TMEM121B: variants seen among roughly 807,000 people sequenced by gnomAD.
TMEM121B encodes the protein cat eye syndrome chromosome region, candidate 6.
In TMEM121B, 14 loss-of-function variants were observed where a neutral mutation model predicts 25.1. The ratio of observed to expected loss-of-function variants is 0.56; its 90% CI spans 0.37 to 0.87. TMEM121B has a LOEUF of 0.87. TMEM121B is among the 40% of genes least tolerant of loss of function. The pLI, the probability that TMEM121B is intolerant of heterozygous loss-of-function variation, is 0.00. For synonymous variants in TMEM121B, 458 were observed against 420.9 expected, an observed-to-expected ratio of 1.09 and a Z score of -1.08; for missense variants, 850 against 854.6, an observed-to-expected ratio of 0.99 and a Z score of 0.07.
In TMEM121B at chr22:17,120,255, G is replaced by A. The variant is rs1416118146; in HGVS notation, c.873C>T (p.Ala291=). ...CCCCCGCGCCGCCGGCGCCCCCGCG[G>A]GCTCCGCGTGCCTTGGCCCCAGCGG... The part of the protein sequence containing the change: ...AATAGAKARG[A]RGGAGGAGGG... The change falls in exon 1 of 1, where the codon GCC becomes GCT. Residue 291 remains alanine (A), a synonymous_variant. Transcript: ENST00000331437. 6.4e-6 allele frequency: 8 copies of A among 1,241,736 alleles called. No homozygotes were observed. Among genetic ancestry groups the A allele is most frequent in the Non-Finnish European group, 8.0e-6 (8 of 997,084 alleles). 76.9% of individuals were successfully genotyped at this position (1,241,736 alleles called of 1,614,324 possible).
rs1344033079 is a variant in TMEM121B, at chr22:17,117,869, G to A, written c.*1522C>T. The A allele has an allele frequency of 1.3e-5, 2 of 152,204 alleles. No homozygotes were observed. The highest frequency in any genetic ancestry group is 4.8e-5 in the African/African-American group (2 of 41,452). The allele number at this position is 152,204 out of a possible 1,614,324, so 9.4% of individuals were successfully genotyped here. A position where few individuals can be genotyped will look rare whatever the true frequency, so the allele number is the denominator to read the frequency against. ...TAAAAATATGTCACTCAAAGCCAAT[G>A]AGTGACAGAATCAGAACTAGAATCC... On this transcript the variant is annotated 3_prime_UTR_variant, in exon 1 of 1. Coordinates refer to ENST00000331437, the MANE Select transcript of TMEM121B (RefSeq NM_031890.4).
In TMEM121B at chr22:17,120,936, G is replaced by A; in HGVS notation, c.192C>T (p.Gly64=). 3 of 1,407,252 alleles carry A rather than the reference G, an allele frequency of 2.1e-6. No homozygotes were observed. Among genetic ancestry groups the A allele is most frequent in the South Asian group, 2.9e-5 (2 of 68,286 alleles). 87.2% of individuals were successfully genotyped at this position (1,407,252 alleles called of 1,614,324 possible). A position where few individuals can be genotyped will look rare whatever the true frequency, so the allele number is the denominator to read the frequency against. ...CCGTGCTGCTGCTCGGGGAGCCGCCGCCCCCGCCGCGTCTGCCGCCGCCTC... is the reference window on the plus strand; with the variant it reads ...CCGTGCTGCTGCTCGGGGAGCCGCCACCCCCGCCGCGTCTGCCGCCGCCTC... ...RGGGGGRRGG[G]GGSPSSSTGA... is the part of the protein sequence containing the mutation. The change falls in exon 1 of 1, where the codon GGC becomes GGT. Residue 64 remains glycine, a synonymous_variant. Coordinates refer to ENST00000331437, the MANE Select transcript of TMEM121B (RefSeq NM_031890.4).
At position 17,119,781 on chromosome 22, in the gene TMEM121B, C is replaced by G. The variant is rs1179076591; in HGVS notation, c.1347G>C (p.Ala449=). ...GGCCCCAGGATGCAGCCGCTGCGGCCGCGGCGTTGAGCTCGTAGAGCCAGA... is the reference window on the plus strand; with the variant it reads ...GGCCCCAGGATGCAGCCGCTGCGGCGGCGGCGTTGAGCTCGTAGAGCCAGA... The part of the protein sequence containing the change: ...PVLWLYELNA[A]AAAAASWGQA... The change falls in exon 1 of 1, where the codon GCG becomes GCC. Residue 449 remains alanine (A), a synonymous_variant. Coordinates refer to ENST00000331437, the MANE Select transcript of TMEM121B (RefSeq NM_031890.4). The G allele has an allele frequency of 1.9e-6, 3 of 1,576,038 alleles. No homozygotes were observed. The highest frequency in any genetic ancestry group is 1.7e-4 in the Middle Eastern group (1 of 6,020).
rs1279216236 is a variant in TMEM121B, at chr22:17,119,537, T to C, written c.1591A>G (p.Arg531Gly). 49 of 1,557,826 alleles carry C rather than the reference T, an allele frequency of 3.1e-5. No homozygotes were observed. The highest frequency in any genetic ancestry group is 4.2e-5 in the Non-Finnish European group (48 of 1,152,686). Residue 531 changes from arginine (R) to glycine (G), a missense_variant, in exon 1 of 1, where the codon AGA becomes GGA. Arg to Gly is a moderately radical substitution (Grantham distance 125). Transcript: ENST00000331437. ...GAGGGCGGAGCACCGTAGCCCCCTCTGGCCCGACTCGGGGAGGCCCGATTG... is the reference window on the plus strand; with the variant it reads ...GAGGGCGGAGCACCGTAGCCCCCTCCGGCCCGACTCGGGGAGGCCCGATTG... Reference protein sequence around the residue: ...RGNRASPSRARGGYGAPPSAP... With the variant: ...RGNRASPSRAGGGYGAPPSAP...
rs368814541 is a variant in TMEM121B at position 17,119,838 on chromosome 22, G to A, written c.1290C>T (p.Ala430=). Residue 430 remains alanine (A), a synonymous_variant, in exon 1 of 1, where the codon GCC becomes GCT. Transcript: ENST00000331437. ...GCGAGGCGAGGGTGAGGAAGTAGAC[G>A]GCGATAAGCAGGTAGCGCAGGTGCG... ...LPAHLRYLLI[A]VYFLTLASPV... is the part of the protein sequence containing the mutation. The A allele has an allele frequency of 2.8e-4, 437 of 1,587,688 alleles. 1 individual carries two copies. Among genetic ancestry groups the A allele is most frequent in the Admixed American group, 3.6e-4 (21 of 58,304 alleles).
Position 17,117,663 on chromosome 22 carries a change from G to T in TMEM121B, c.*1728C>A. 1 of 152,342 alleles carries T rather than the reference G, an allele frequency of 6.6e-6. No individual in the cohort carries two copies. The allele number at this position is 152,342 out of a possible 1,614,324, so 9.4% of individuals were successfully genotyped here. On this transcript the variant is annotated 3_prime_UTR_variant, in exon 1 of 1. Coordinates refer to ENST00000331437, the MANE Select transcript of TMEM121B (RefSeq NM_031890.4). ...GCTTCACACACCCAGTACAGAGCAGGGAATGTTCTGCAAGTGCAGCCTGGC... is the reference window on the plus strand; with the variant it reads ...GCTTCACACACCCAGTACAGAGCAGTGAATGTTCTGCAAGTGCAGCCTGGC...
Position 17,119,488 on chromosome 22 carries a change from G to A in TMEM121B, c.1640C>T (p.Pro547Leu). 6.3e-7 allele frequency: 1 copy of A among 1,598,380 alleles called. No individual in the cohort carries two copies. Among genetic ancestry groups the A allele is most frequent in the South Asian group, 1.1e-5 (1 of 88,556 alleles). Residue 547 changes from proline to leucine, a missense_variant, in exon 1 of 1, where the codon CCA (proline) becomes CTA (leucine). By Grantham distance (98) the Pro-to-Leu change is moderately conservative. Transcript: ENST00000331437. ...GCCCAGCTGGGAGCCTCCCTGAGGT[G>A]GTGGCGGAGGTGGTGGAGGGGCGGA... The part of the protein sequence containing the change: ...PPSAPPPPPP[P>L]PQGGSQLGHC...
chr22:17,117,325 CA>C lies in TMEM121B; in HGVS notation c.*2065del. On this transcript the variant is annotated 3_prime_UTR_variant, in exon 1 of 1. Transcript: ENST00000331437. ...GCCACATAGGGTGAGGGACTGGAAG[CA>C]CAGATTGTGCATGGAGTGTAAACAT... 6.5e-6 allele frequency: 1 copy of C among 152,896 alleles called. No individual in the cohort carries two copies. The highest frequency in any genetic ancestry group is 2.1e-4 in the South Asian group (1 of 4,832). The allele number at this position is 152,896 out of a possible 1,614,324, so 9.5% of individuals were successfully genotyped here. A position where few individuals can be genotyped will look rare whatever the true frequency, so the allele number is the denominator to read the frequency against.
rs1027151525 is a variant in TMEM121B, at chr22:17,120,681, G to C, written c.447C>G (p.Pro149=). 6 of 1,183,068 alleles carry C rather than the reference G, an allele frequency of 5.1e-6. No homozygotes were observed. In the South Asian group the frequency reaches 1.7e-4, roughly 33 times the overall value. 73.3% of individuals were successfully genotyped at this position (1,183,068 alleles called of 1,614,324 possible). The change falls in exon 1 of 1, where the codon CCC becomes CCG. Residue 149 remains proline (P), a synonymous_variant. Transcript: ENST00000331437. ...GGAAAGAVGG[P]GSRSAGGAGG... ...CCGCGCCCCCCGCCGAGCGGCTCCC[G>C]GGGCCCCCGACGGCCCCGGCCGCGG...
chr22:17,116,603 T>C lies in TMEM121B; in HGVS notation c.*2788A>G, dbSNP rs2061470974. 1 of 152,270 alleles carries C rather than the reference T, an allele frequency of 6.6e-6. No individual in the cohort carries two copies. The highest frequency in any genetic ancestry group is 2.1e-4 in the South Asian group (1 of 4,832). The allele number at this position is 152,270 out of a possible 1,614,324, so 9.4% of individuals were successfully genotyped here. On this transcript the variant is annotated 3_prime_UTR_variant, in exon 1 of 1. Transcript: ENST00000331437. ...CGAGATTCTGAGCCCAGGATCCTTTTCTGTGAACCATGCACGTGCTGGCAC... is the reference window on the plus strand; with the variant it reads ...CGAGATTCTGAGCCCAGGATCCTTTCCTGTGAACCATGCACGTGCTGGCAC...
Position 17,120,392 on chromosome 22 carries a change from CGAA to C in TMEM121B, c.733_735del (p.Phe245del), listed in dbSNP as rs2061492664. On this transcript the variant is annotated inframe_deletion, in exon 1 of 1. Transcript: ENST00000331437. Reference sequence around the variant, plus strand: ...CCCCGACGGCCCCGGCTGTTCTTGGCGAAGAAGATGGCCCAGCCCACCACCACC... The same window carrying C: ...CCCCGACGGCCCCGGCTGTTCTTGGCGAAGATGGCCCAGCCCACCACCACC... The C allele has an allele frequency of 1.3e-6, 2 of 1,560,568 alleles. No homozygotes were observed. Among genetic ancestry groups the C allele is most frequent in the Non-Finnish European group, 1.7e-6 (2 of 1,160,414 alleles).
chr22:17,119,708 C>A lies in TMEM121B; in HGVS notation c.1420G>T (p.Gly474Cys), dbSNP rs1291958083. The A allele has an allele frequency of 1.3e-6, 2 of 1,542,372 alleles. No individual in the cohort carries two copies. The highest frequency in any genetic ancestry group is 2.4e-5 in the East Asian group (1 of 41,556). ...AGCAAGGGCACGTCCACCAGGCAGC[C>A]GCCCAGCAGGCGCAGAAGGCGGCTG... ...SCSRLLRLLGGCLVDVPLLAL... is the reference protein window; with the variant it reads ...SCSRLLRLLGCCLVDVPLLAL... Residue 474 changes from glycine to cysteine, a missense_variant, in exon 1 of 1, where the codon GGC becomes TGC. By Grantham distance (159) the Gly-to-Cys change is radical (BLOSUM62 -3). Transcript: ENST00000331437.
In TMEM121B at chr22:17,120,316, G is replaced by C; in HGVS notation, c.812C>G (p.Ala271Gly). 6.9e-7 allele frequency: 1 copy of C among 1,454,430 alleles called. No individual in the cohort carries two copies. The highest frequency in any genetic ancestry group is 9.0e-7 in the Non-Finnish European group (1 of 1,106,078). 90.1% of individuals were successfully genotyped at this position (1,454,430 alleles called of 1,614,324 possible). A position where few individuals can be genotyped will look rare whatever the true frequency, so the allele number is the denominator to read the frequency against. ...GGGGGCGGGCAGATGCAGGGGCGGC[G>C]CGGCGTGGTGGTGGTGCAGGTGGTG... ...HNHHLHHHHA[A>G]PPLHLPAPSA... The change falls in exon 1 of 1, where the codon GCG becomes GGG. Residue 271 changes from alanine (A) to glycine (G), a missense_variant. Ala to Gly is a moderately conservative substitution (Grantham distance 60). Coordinates refer to ENST00000331437, the MANE Select transcript of TMEM121B (RefSeq NM_031890.4).
Position 17,120,451 on chromosome 22 carries a change from T to C in TMEM121B, c.677A>G (p.Tyr226Cys). 1 of 1,583,932 alleles carries C rather than the reference T, an allele frequency of 6.3e-7. No homozygotes were observed. Among genetic ancestry groups the C allele is most frequent in the South Asian group, 1.1e-5 (1 of 88,824 alleles). Residue 226 changes from tyrosine (Y) to cysteine (C), a missense_variant, in exon 1 of 1, where the codon TAC (tyrosine) becomes TGC (cysteine). Tyr to Cys is a radical substitution (Grantham distance 194, BLOSUM62 -2). Coordinates refer to ENST00000331437, the MANE Select transcript of TMEM121B (RefSeq NM_031890.4). ...DLYLIAVTDL[Y>C]WCSWIATDLV... The stretch of plus-strand genomic sequence containing the variant: ...GTCAGTGGCGATCCAGGAGCACCAG[T>C]ACAGGTCGGTGACGGCGATGAGGTA...
rs377470319 is a variant in TMEM121B at position 17,119,511 on chromosome 22, G to C, written c.1617C>G (p.Ser539=). Residue 539 remains serine, a synonymous_variant, in exon 1 of 1, where the codon TCC becomes TCG. Transcript: ENST00000331437. ...GTGGTGGCGGAGGTGGTGGAGGGGCGGAGGGCGGAGCACCGTAGCCCCCTC... is the reference window on the plus strand; with the variant it reads ...GTGGTGGCGGAGGTGGTGGAGGGGCCGAGGGCGGAGCACCGTAGCCCCCTC... ...RARGGYGAPP[S]APPPPPPPPQ... is the part of the protein sequence containing the mutation. 5.7e-6 allele frequency: 9 copies of C among 1,576,054 alleles called. No homozygotes were observed. The highest frequency in any genetic ancestry group is 1.7e-4 in the Middle Eastern group (1 of 5,894).
Position 17,120,471 on chromosome 22 carries a change from G to T in TMEM121B, c.657C>A (p.Leu219=). ...LAQGGLLDLY[L]IAVTDLYWCS... ...ACCAGTACAGGTCGGTGACGGCGAT[G>T]AGGTACAGGTCCAGCAGGCCGCCCT... Residue 219 remains leucine (L), a synonymous_variant, in exon 1 of 1, where the codon CTC becomes CTA. Coordinates refer to ENST00000331437, the MANE Select transcript of TMEM121B (RefSeq NM_031890.4). 6.3e-7 allele frequency: 1 copy of T among 1,586,008 alleles called. No individual in the cohort carries two copies.
Position 17,120,870 on chromosome 22 carries a change from G to A in TMEM121B, c.258C>T (p.Ser86=). The change falls in exon 1 of 1, where the codon AGC becomes AGT. Residue 86 remains serine, a synonymous_variant. Transcript: ENST00000331437. ...GCGCGGCGTTGGGCACCAGCGGCTT[G>A]CTGACGCTGAGGCTCTCGTCGTCGT... ...REDDDESLSV[S]KPLVPNAALL... is the part of the protein sequence containing the mutation. The A allele has an allele frequency of 7.4e-7, 1 of 1,356,220 alleles. No individual in the cohort carries two copies. The highest frequency in any genetic ancestry group is 1.7e-5 in the South Asian group (1 of 57,736). The allele number at this position is 1,356,220 out of a possible 1,614,324, so 84.0% of individuals were successfully genotyped here.
In TMEM121B at chr22:17,121,328, C is replaced by T. The variant is rs960120828; in HGVS notation, c.-201G>A. On this transcript the variant is annotated 5_prime_UTR_variant, in exon 1 of 1. Coordinates refer to ENST00000331437, the MANE Select transcript of TMEM121B (RefSeq NM_031890.4). ...CGGGCCGGGCGGCAGGGAGAGGGGGCAGGCGGTGAACCGAGCGGACCGCGG... is the reference window on the plus strand; with the variant it reads ...CGGGCCGGGCGGCAGGGAGAGGGGGTAGGCGGTGAACCGAGCGGACCGCGG... 7.7e-6 allele frequency: 2 copies of T among 258,382 alleles called. No homozygotes were observed. The highest frequency in any genetic ancestry group is 2.5e-5 in the African/African-American group (1 of 39,308). 16.0% of individuals were successfully genotyped at this position (258,382 alleles called of 1,614,324 possible).
Position 17,120,795 on chromosome 22 carries a change from G to T in TMEM121B, c.333C>A (p.Val111=). 6 of 1,238,814 alleles carry T rather than the reference G, an allele frequency of 4.8e-6. No homozygotes were observed. Among genetic ancestry groups the T allele is most frequent in the Non-Finnish European group, 6.0e-6 (6 of 992,094 alleles). The allele number at this position is 1,238,814 out of a possible 1,614,324, so 76.7% of individuals were successfully genotyped here. A position where few individuals can be genotyped will look rare whatever the true frequency, so the allele number is the denominator to read the frequency against. The change falls in exon 1 of 1, where the codon GTC becomes GTA. Residue 111 remains valine (V), a synonymous_variant. Coordinates refer to ENST00000331437, the MANE Select transcript of TMEM121B (RefSeq NM_031890.4). ...QVGAPAGPAP[V]AFSSSAATSS... is the part of the protein sequence containing the mutation. ...AGGTGGCCGCTGAGGAGGAGAAGGC[G>T]ACAGGCGCGGGGCCGGCGGGGGCGC...
Sources: allele counts gnomAD v4.1 joint callset, GRCh38; gene constraint gnomAD v4.1.1; transcripts MANE v1.5; gene names NCBI Gene and HGNC (gene_info 2026-07-23, HGNC 2026-07-21).